Variants in BLNK observed in about 807,000 individuals in gnomAD.
The protein encoded by BLNK is B-cell linker protein.
In BLNK, 29 loss-of-function variants were observed where a neutral mutation model predicts 73.5. That is an observed-to-expected ratio of 0.39 (90% confidence interval 0.29 to 0.54). The LOEUF (loss-of-function observed/expected upper bound fraction) is 0.54, where lower values mean the gene tolerates loss of function less well. Ranked by LOEUF, BLNK falls within the 20% of genes least tolerant of loss-of-function variation. The pLI is 0.61. For synonymous variants in BLNK, 176 were observed against 200.8 expected (o/e 0.88, Z 1.04); for missense variants, 460 against 562.8 (o/e 0.82, Z 1.85).
intron 3 of BLNK, among the ~76,000 whole-genome samples, chr10:96,235,554 C>A (rs758082086): frequency 1.1e-5 from 1 of 90,596 alleles, no homozygotes; most frequent in Non-Finnish European, 3.0e-5. Context: ...GAAGAATGAC[C>A]ACATGAGACT....
At chr10:96,232,815 G>A (rs1162091047) in intron 3 of BLNK, among the ~76,000 whole-genome samples, 1 of 101,982 alleles carries the variant, frequency 9.8e-6, no homozygotes, top group Non-Finnish European at 2.1e-5. Flanking sequence ...TTCTTTTCTA[G>A]TCTTTTTTTT....
chr10:96,194,742 C>T (rs2083415011), intron 16 of BLNK, among the ~76,000 whole-genome samples: 1 of 149,332 alleles, frequency 6.7e-6, no homozygotes, highest in South Asian at 2.1e-4. Flanking sequence ...AAATGTTCAA[C>T]ATCACTAATC....
chr10:96,204,947 C>G (rs2083756640), intron 11 of BLNK: 1 of 349,308 alleles, frequency 2.9e-6, no homozygotes, highest in South Asian at 2.3e-5. Context: ...ACATTTTAGC[C>G]ACCCTCTAAA....
intron 15 of BLNK, among the ~76,000 whole-genome samples, chr10:96,197,669 C>G (rs1393030999): frequency 1.3e-5 from 2 of 152,044 alleles, no homozygotes; most frequent in Non-Finnish European, 2.9e-5. Context: ...GGAATCAAAA[C>G]TTTCATTTTA....
chr10:96,265,064 T>A (rs2134147924), intron 1 of BLNK, among the ~76,000 whole-genome samples: 1 of 152,198 alleles, frequency 6.6e-6, no homozygotes, highest in South Asian at 2.1e-4. Flanking sequence ...TGGGCGATCC[T>A]CCCATTTCAG....
At chr10:96,259,741 G>A (rs1179376148) in intron 1 of BLNK, among the ~76,000 whole-genome samples, 1 of 126,590 alleles carries the variant, frequency 7.9e-6, no homozygotes, top group Non-Finnish European at 1.5e-5. Flanking sequence ...TTTTGTGGTA[G>A]TCTTTGGCAT....
chr10:96,238,594 G>A (rs1349112651), intron 3 of BLNK, among the ~76,000 whole-genome samples: 1 of 152,208 alleles, frequency 6.6e-6, no homozygotes, highest in Non-Finnish European at 1.5e-5. Flanking sequence ...ACGTGCAGCT[G>A]TGCAGAAACC....
Position 96,230,827 on chromosome 10 carries a change from A to G in BLNK, c.171T>C (p.Pro57=), listed in dbSNP as rs727852. 1,094,862 of 1,609,256 alleles carry G rather than the reference A, an allele frequency of 0.68. 384,878 individuals are homozygous for G. Among genetic ancestry groups the G allele is most frequent in the Non-Finnish European group, 0.73 (858,007 of 1,177,832 alleles). ...CGGACCACTGCTCCTCTTCGTCAGC[A>G]GGGCTCTCTGCAACAGCAGGGGAGA... ...VPRRDYASES[P]ADEEEQWSDD... Residue 57 remains proline, a synonymous_variant, in exon 4 of 17, where the codon CCT becomes CCC. Coordinates refer to ENST00000224337, the MANE Select transcript of BLNK (RefSeq NM_013314.4).
intron 8 of BLNK, among the ~76,000 whole-genome samples, chr10:96,212,519 G>A (rs904196033): frequency 6.6e-6 from 1 of 152,276 alleles, no homozygotes; most frequent in Non-Finnish European, 1.5e-5. Context: ...CCTAGCAAAT[G>A]TCAGAGCCAG....
At chr10:96,207,742 T>G in intron 10 of BLNK, 130 bp downstream of exon 10, 1 of 1,118,878 alleles carries the variant, frequency 8.9e-7, no homozygotes, top group South Asian at 1.3e-5. Context: ...CTTGGACTGC[T>G]TGGGCAGCAA....
Position 96,189,746 on chromosome 10 carries a change from C to A in BLNK, c.*2227G>T. The A allele has an allele frequency of 1.4e-6, 1 of 740,174 alleles. No homozygotes were observed. The highest frequency in any genetic ancestry group is 2.4e-6 in the Non-Finnish European group (1 of 408,284). The allele number at this position is 740,174 out of a possible 1,614,324, so 45.9% of individuals were successfully genotyped here. A position where few individuals can be genotyped will look rare whatever the true frequency, so the allele number is the denominator to read the frequency against. On this transcript the variant is annotated 3_prime_UTR_variant, in exon 17 of 17. Coordinates refer to ENST00000224337, the MANE Select transcript of BLNK (RefSeq NM_013314.4). ...TCATCATCATCATCTTCATCAGCAG[C>A]AAGTTTTACTTTTATTCTCTGGAAT...
chr10:96,246,764 G>A (rs1843059710), intron 2 of BLNK, among the ~76,000 whole-genome samples: 1 of 152,184 alleles, frequency 6.6e-6, no homozygotes, highest in Admixed American at 6.5e-5. Context: ...CTTCCCTGCA[G>A]TGAGAAGGAA....
At position 96,189,731 on chromosome 10, in the gene BLNK, C is replaced by CATCATCA; in HGVS notation, c.*2241_*2242insTGATGAT. On this transcript the variant is annotated 3_prime_UTR_variant, in exon 17 of 17. Coordinates refer to ENST00000224337, the MANE Select transcript of BLNK (RefSeq NM_013314.4). ...TCATCATCATCATCATCATCATCATCATCTTCATCAGCAGCAAGTTTTACT... is the reference window on the plus strand; with the variant it reads ...TCATCATCATCATCATCATCATCATCATCATCAATCTTCATCAGCAGCAAGTTTTACT... The CATCATCA allele has an allele frequency of 1.4e-6, 1 of 726,442 alleles. No individual in the cohort carries two copies. Among genetic ancestry groups the CATCATCA allele is most frequent in the Non-Finnish European group, 2.5e-6 (1 of 396,640 alleles). 45.0% of individuals were successfully genotyped at this position (726,442 alleles called of 1,614,324 possible).
chr10:96,228,841 T>C (rs117700415), intron 4 of BLNK, among the ~76,000 whole-genome samples: 10 of 152,312 alleles, frequency 6.6e-5, no homozygotes, highest in Non-Finnish European at 1.0e-4. Context: ...GCCTATCACA[T>C]TGCATGATCT....
intron 9 of BLNK, among the ~76,000 whole-genome samples, chr10:96,208,607 G>T (rs782096637): frequency 7.2e-5 from 11 of 152,068 alleles, no homozygotes; most frequent in Non-Finnish European, 1.5e-4. Context: ...TTCCAATAGA[G>T]ACTGGAGTCT....
chr10:96,209,921 T>C lies in BLNK; in HGVS notation c.677-14A>G. On this transcript the variant is annotated splice_polypyrimidine_tract_variant and intron_variant, in intron 8 of 16. Transcript: ENST00000224337. ...CACTGTTTCGACCTGCACAAACATA[T>C]ACACTACTCAGTCCCCAAGTCCTGA... 1 of 1,614,136 alleles carries C rather than the reference T, an allele frequency of 6.2e-7. No individual in the cohort carries two copies. Among genetic ancestry groups the C allele is most frequent in the Non-Finnish European group, 8.5e-7 (1 of 1,179,978 alleles).
intron 1 of BLNK, among the ~76,000 whole-genome samples, chr10:96,254,091 TC>T (rs1263509233): frequency 6.6e-6 from 1 of 151,526 alleles, no homozygotes; most frequent in African/African-American, 2.4e-5. Flanking sequence ...TTTATCCCCT[TC>T]TAGGCTAAGT....
chr10:96,246,384 C>T (rs1416645583), intron 2 of BLNK, among the ~76,000 whole-genome samples: 1 of 152,142 alleles, frequency 6.6e-6, no homozygotes, highest in Non-Finnish European at 1.5e-5. Context: ...GAAACCCTGT[C>T]TCTACTAAAA....
intron 1 of BLNK, among the ~76,000 whole-genome samples, chr10:96,248,548 C>T (rs564617545): frequency 6.6e-6 from 1 of 152,286 alleles, no homozygotes; most frequent in East Asian, 1.9e-4. Context: ...TTTAAAACGT[C>T]CATGACTTTT....
Sources: allele counts gnomAD v4.1 joint callset (sites outside exome capture counted in the v4.1 genomes callset), GRCh38; gene constraint gnomAD v4.1.1; transcripts MANE v1.5; gene names NCBI Gene and HGNC (gene_info 2026-07-23, HGNC 2026-07-21).